PCDH15: variants seen among roughly 807,000 people sequenced by gnomAD.
PCDH15 encodes the protein protocadherin related 15, also known as protocadherin-15.
In PCDH15, 129 loss-of-function variants were observed where a neutral mutation model predicts 178.5. That is an observed-to-expected ratio of 0.72 (90% CI 0.63 to 0.84). The LOEUF is 0.84. PCDH15 is among the 40% of genes least tolerant of loss of function. The pLI, the probability that PCDH15 is intolerant of heterozygous loss-of-function variation, is 0.00. For missense variants in PCDH15, 2,230 were observed against 2,099.9 expected (o/e 1.06, Z -1.21); for synonymous variants, 800 against 732.0 (o/e 1.09, Z -1.50).
At chr10:53,958,071 T>G (rs1215282160) in intron 23 of PCDH15, among the ~76,000 whole-genome samples, 1 of 152,182 alleles carries the variant, frequency 6.6e-6, no homozygotes, top group Non-Finnish European at 1.5e-5. Context: ...TGCAGATGTA[T>G]CCCTCACCTA....
intron 2 of PCDH15, among the ~76,000 whole-genome samples, chr10:54,592,315 C>T (rs2091937058): frequency 6.6e-6 from 1 of 151,764 alleles, no homozygotes; most frequent in South Asian, 2.1e-4. Flanking sequence ...CTCCCTCCTT[C>T]CCTTCCTTCC....
rs2134055656 is a variant in PCDH15 at position 53,939,044 on chromosome 10, CT to C, written c.3233-90del. ...AAAAGGCACTGTGATTTCAAAAACA[CT>C]AAAAATGCCTATTTATAACTAGAGT... On this transcript the variant is annotated intron_variant, in intron 24 of 37. Transcript: ENST00000644397. The C allele has an allele frequency of 1.1e-5, 14 of 1,294,278 alleles. No homozygotes were observed. The South Asian group carries it at 1.7e-4, about 16-fold the overall frequency. The allele number at this position is 1,294,278 out of a possible 1,614,324, so 80.2% of individuals were successfully genotyped here. A position where few individuals can be genotyped will look rare whatever the true frequency, so the allele number is the denominator to read the frequency against.
At chr10:53,883,861 G>C (rs2080906210) in intron 26 of PCDH15, among the ~76,000 whole-genome samples, 1 of 152,106 alleles carries the variant, frequency 6.6e-6, no homozygotes, top group Non-Finnish European at 1.5e-5. Context: ...GATTACAGGT[G>C]TGTGTCACTG....
intron 1 of PCDH15, among the ~76,000 whole-genome samples, chr10:54,686,819 C>G (rs2095021028): frequency 6.6e-6 from 1 of 152,040 alleles, no homozygotes; most frequent in Non-Finnish European, 1.5e-5. Context: ...AAGGAAACAA[C>G]AGAGTGAAGA....
chr10:54,746,803 AGGGAAAAGGCTTAT>A (rs756891266), intron 1 of PCDH15, among the ~76,000 whole-genome samples: 40 of 150,508 alleles, frequency 2.7e-4, no homozygotes, highest in Non-Finnish European at 2.2e-4. Flanking sequence ...AAATCAGCAA[AGGGAAAAGGCTTAT>A]GGGGCAAAGT....
chr10:54,152,996 T>G, intron 14 of PCDH15, 104 bp downstream of exon 14: 1 of 1,289,796 alleles, frequency 7.8e-7, no homozygotes, highest in South Asian at 1.3e-5. Context: ...CTGATCTAAT[T>G]TAGATGTTTA....
At chr10:55,250,109 A>G (rs754316361) in intron 1 of PCDH15, among the ~76,000 whole-genome samples, 1 of 152,060 alleles carries the variant, frequency 6.6e-6, no homozygotes, top group Non-Finnish European at 1.5e-5. Context: ...GCTTAGACCA[A>G]AATTAATGGT....
intron 2 of PCDH15, among the ~76,000 whole-genome samples, chr10:55,031,032 A>G (rs552274529): frequency 6.6e-6 from 1 of 152,158 alleles, no homozygotes; most frequent in African/African-American, 2.4e-5. Context: ...AAAATGCTCA[A>G]AGTAGGCACA....
At chr10:55,438,497 T>C (rs1163020831) in intron 2 of PCDH15, among the ~76,000 whole-genome samples, 1 of 152,152 alleles carries the variant, frequency 6.6e-6, no homozygotes, top group Non-Finnish European at 1.5e-5. Flanking sequence ...AATATATTTA[T>C]ACTCTCATCC....
At chr10:54,627,231 T>C (rs59308994) in intron 2 of PCDH15, among the ~76,000 whole-genome samples, 3 of 152,190 alleles carry the variant, frequency 2.0e-5, no homozygotes, top group Non-Finnish European at 2.9e-5. Flanking sequence ...TCTGGGGGAC[T>C]CTCGGGAAGG....
At chr10:54,916,439 T>C (rs1837339847) in intron 2 of PCDH15, among the ~76,000 whole-genome samples, 1 of 152,202 alleles carries the variant, frequency 6.6e-6, no homozygotes, top group African/African-American at 2.4e-5. Context: ...TATGGCATAA[T>C]ATCATTCCTC....
chr10:54,353,351 T>A (rs1944455181), intron 5 of PCDH15, among the ~76,000 whole-genome samples: 2 of 152,210 alleles, frequency 1.3e-5, no homozygotes, highest in African/African-American at 4.8e-5. Flanking sequence ...AAAAGAGGTA[T>A]AGCCCTTTTT....
Position 55,020,790 on chromosome 10 carries a change from T to C in PCDH15, c.-79-123290A>G, listed in dbSNP as rs117789209. 1.4e-4 allele frequency among the ~76,000 whole-genome samples: 22 copies of C among 152,270 alleles called. No homozygotes were observed. In the East Asian group the frequency reaches 3.9e-3, roughly 27 times the overall value. ...AGATCTTAACTGTAAAGGTTTTCTG[T>C]TAAAATTTACCATGACAATGTAAAT... On this transcript the variant is annotated intron_variant, in intron 2 of 5. Transcript: ENST00000458638.
At chr10:54,137,622 C>G (rs529517190) in intron 14 of PCDH15, among the ~76,000 whole-genome samples, 1 of 152,116 alleles carries the variant, frequency 6.6e-6, no homozygotes, top group African/African-American at 2.4e-5. Flanking sequence ...ATTATGATTG[C>G]TTCCTAGCCC....
At chr10:54,792,159 G>T (rs2133569665) in intron 1 of PCDH15, among the ~76,000 whole-genome samples, 1 of 151,886 alleles carries the variant, frequency 6.6e-6, no homozygotes, top group East Asian at 1.9e-4. Context: ...AAAGCTCCAA[G>T]AAAAATATCT....
intron 2 of PCDH15, among the ~76,000 whole-genome samples, chr10:54,984,092 G>A (rs1438641966): frequency 6.6e-6 from 1 of 152,176 alleles, no homozygotes; most frequent in African/African-American, 2.4e-5. Flanking sequence ...TCCTATGAAG[G>A]GACTGTCAGG....
chr10:55,259,304 A>G (rs1186458505), intron 1 of PCDH15, among the ~76,000 whole-genome samples: 1 of 152,214 alleles, frequency 6.6e-6, no homozygotes, highest in East Asian at 1.9e-4. Flanking sequence ...AATAAATCTG[A>G]TAGAAAATTA....
chr10:53,908,223 T>A (rs2082815706), intron 25 of PCDH15, among the ~76,000 whole-genome samples: 1 of 152,142 alleles, frequency 6.6e-6, no homozygotes, highest in Non-Finnish European at 1.5e-5. Flanking sequence ...TATTCTGTGA[T>A]GAACAGAACA....
At chr10:54,855,496 C>T (rs1056977412) in intron 3 of PCDH15, among the ~76,000 whole-genome samples, 1 of 152,164 alleles carries the variant, frequency 6.6e-6, no homozygotes, top group Non-Finnish European at 1.5e-5. Flanking sequence ...TCATAGCATC[C>T]TGCATCAAAA....
Sources: allele counts gnomAD v4.1 joint callset (sites outside exome capture counted in the v4.1 genomes callset), GRCh38; gene constraint gnomAD v4.1.1; transcripts MANE v1.5; gene names NCBI Gene and HGNC (gene_info 2026-07-23, HGNC 2026-07-21).